Variants in PLCL2 observed in about 807,000 individuals in gnomAD.
PLCL2 encodes the protein inactive phospholipase C-like protein 2.
In PLCL2, 4 loss-of-function variants were observed where a neutral mutation model predicts 79.6. That is an observed-to-expected ratio of 0.05 (90% CI 0.02 to 0.11). PLCL2 has a LOEUF of 0.11. Among genes scored for constraint, PLCL2 ranks in the 10% least tolerant of loss-of-function variants. PLCL2 has a pLI of 1.00. For synonymous variants in PLCL2, 484 were observed against 457.7 expected (o/e 1.06, Z -0.73); for missense variants, 895 against 1,291.0 (o/e 0.69, Z 4.70).
At chr3:16,971,898 C>G (rs1487584761) in intron 1 of PLCL2, among the ~76,000 whole-genome samples, 1 of 151,838 alleles carries the variant, frequency 6.6e-6, no homozygotes, top group African/African-American at 2.4e-5. Context: ...TACATTGATT[C>G]CAGCATATAA....
At chr3:16,992,813 A>C (rs1267810513) in intron 1 of PLCL2, among the ~76,000 whole-genome samples, 1 of 152,244 alleles carries the variant, frequency 6.6e-6, no homozygotes, top group Admixed American at 6.5e-5. Context: ...AACTGTAGCC[A>C]GCCTCAGGAA....
Position 16,999,175 on chromosome 3 carries a change from CT to C in PLCL2, c.328-10498del, listed in dbSNP as rs370415930. On this transcript the variant is annotated intron_variant, in intron 1 of 5. Coordinates refer to ENST00000615277, the MANE Select transcript of PLCL2 (RefSeq NM_001144382.2). Reference sequence around the variant, plus strand: ...GACTTTGAGAAATGGTTTTTTTTCCCTATGGGTGTGGGGATGCAGCCTTCTG... The same window carrying C: ...GACTTTGAGAAATGGTTTTTTTTCCCATGGGTGTGGGGATGCAGCCTTCTG... Among the ~76,000 whole-genome samples the C allele has an allele frequency of 9.9e-3, 1,506 of 151,910 alleles. 96 individuals are homozygous for C. Among genetic ancestry groups the C allele is most frequent in the Admixed American group, 0.09 (1,380 of 15,272 alleles).
chr3:16,990,097 G>T (rs957584302), intron 1 of PLCL2, among the ~76,000 whole-genome samples: 3 of 150,384 alleles, frequency 2.0e-5, no homozygotes, highest in Non-Finnish European at 4.4e-5. Context: ...TTATATAGGA[G>T]AGAATGATGA....
At chr3:16,912,342 G>T (rs752203139) in intron 1 of PLCL2, among the ~76,000 whole-genome samples, 84 of 152,118 alleles carry the variant, frequency 5.5e-4, no homozygotes, top group Non-Finnish European at 9.6e-4. Context: ...CAAGTAGGTA[G>T]AATGGTGAAT....
intron 1 of PLCL2, among the ~76,000 whole-genome samples, chr3:16,912,604 A>G (rs1696907438): frequency 6.6e-6 from 1 of 152,206 alleles, no homozygotes; most frequent in African/African-American, 2.4e-5. Flanking sequence ...CAGTTGTGCA[A>G]GGTGATGAGC....
chr3:16,967,599 CT>C (rs2063820260), intron 1 of PLCL2, among the ~76,000 whole-genome samples: 1 of 151,982 alleles, frequency 6.6e-6, no homozygotes, highest in Non-Finnish European at 1.5e-5. Flanking sequence ...CCTTTGCCTA[CT>C]TTTTAATGGG....
At chr3:16,955,164 A>C (rs2063692371) in intron 1 of PLCL2, among the ~76,000 whole-genome samples, 1 of 152,230 alleles carries the variant, frequency 6.6e-6, no homozygotes, top group Admixed American at 6.5e-5. Flanking sequence ...TTTTAGGTCT[A>C]ACATGTAAGT....
At chr3:16,905,002 G>A (rs75260636) in intron 1 of PLCL2, among the ~76,000 whole-genome samples, 217 of 152,178 alleles carry the variant, frequency 1.4e-3, no homozygotes, top group African/African-American at 3.4e-3. Flanking sequence ...TCATAGCAGC[G>A]TGGGAAAAGA....
At chr3:16,965,220 T>C (rs1003798130) in intron 1 of PLCL2, among the ~76,000 whole-genome samples, 4 of 152,212 alleles carry the variant, frequency 2.6e-5, no homozygotes, top group African/African-American at 9.7e-5. Flanking sequence ...AGGGATCCAG[T>C]TTCAGCTTTC....
chr3:17,022,028 G>T (rs1028180011), intron 3 of PLCL2, among the ~76,000 whole-genome samples: 1 of 152,076 alleles, frequency 6.6e-6, no homozygotes, highest in Non-Finnish European at 1.5e-5. Flanking sequence ...CTGTTAGGGG[G>T]CAGTGGTTTA....
At chr3:16,966,243 G>T (rs1346456586) in intron 1 of PLCL2, among the ~76,000 whole-genome samples, 1 of 144,536 alleles carries the variant, frequency 6.9e-6, no homozygotes, top group African/African-American at 2.6e-5. Flanking sequence ...GTTGAATTTT[G>T]TCAAAGGCCT....
intron 1 of PLCL2, among the ~76,000 whole-genome samples, chr3:16,910,606 C>T (rs566419228): frequency 1.3e-5 from 2 of 152,170 alleles, no homozygotes; most frequent in African/African-American, 4.8e-5. Flanking sequence ...ATTCTCATCC[C>T]GTCTTGTGGC....
At chr3:17,044,815 T>C (rs1188367384) in intron 4 of PLCL2, among the ~76,000 whole-genome samples, 2 of 152,234 alleles carry the variant, frequency 1.3e-5, no homozygotes, top group African/African-American at 4.8e-5. Context: ...ATTTGATAAT[T>C]TTCAGTATAA....
intron 1 of PLCL2, among the ~76,000 whole-genome samples, chr3:16,955,642 G>C (rs948037688): frequency 2.0e-5 from 3 of 152,100 alleles, no homozygotes; most frequent in Non-Finnish European, 4.4e-5. Context: ...TCACCATATT[G>C]GTTCTTCCTA....
chr3:17,021,523 T>G (rs2064452714), intron 3 of PLCL2, among the ~76,000 whole-genome samples: 2 of 151,982 alleles, frequency 1.3e-5, no homozygotes, highest in South Asian at 4.1e-4. Flanking sequence ...AAGATTTTCC[T>G]TCTGATCCAG....
At chr3:17,088,252 A>G (rs2065240464) in intron 5 of PLCL2, among the ~76,000 whole-genome samples, 2 of 152,094 alleles carry the variant, frequency 1.3e-5, no homozygotes, top group African/African-American at 4.8e-5. Flanking sequence ...GTCCCTACCC[A>G]TTGCTCTCTG....
At chr3:16,940,052 A>T (rs116778776) in intron 1 of PLCL2, among the ~76,000 whole-genome samples, 2,209 of 152,230 alleles carry the variant, frequency 0.015, 64 homozygotes, top group African/African-American at 0.05. Context: ...GAGACCATGG[A>T]AAGTAAGAAA....
At chr3:16,972,261 G>A (rs1559503674) in intron 1 of PLCL2, among the ~76,000 whole-genome samples, 1 of 152,162 alleles carries the variant, frequency 6.6e-6, no homozygotes, top group Non-Finnish European at 1.5e-5. Context: ...CAGATGACAT[G>A]ATTGTATATC....
intron 1 of PLCL2, among the ~76,000 whole-genome samples, chr3:16,935,621 G>C (rs116209528): frequency 0.012 from 1,872 of 152,152 alleles, 42 homozygotes; most frequent in African/African-American, 0.044. Flanking sequence ...GGACAACCTA[G>C]TCTATGTAAC....
Sources: gnomAD v4.1 joint callset for allele counts (sites outside exome capture counted in the v4.1 genomes callset) on GRCh38, gnomAD v4.1.1 for gene constraint, MANE v1.5 for transcripts, NCBI Gene and HGNC (gene_info 2026-07-23, HGNC 2026-07-21) for gene names.